KIAA1217: variants seen among roughly 807,000 people sequenced by gnomAD.
The protein encoded by KIAA1217 is sickle tail protein homolog.
KIAA1217 carries 88 observed loss-of-function variants against 163.9 expected under a neutral mutation model. The ratio of observed to expected loss-of-function variants is 0.54; its 90% CI spans 0.45 to 0.64. KIAA1217 has a LOEUF of 0.64. KIAA1217 is among the 30% of genes least tolerant of loss of function. The pLI is 0.00. For missense variants in KIAA1217, 2,372 were observed against 2,475.0 expected (o/e 0.96, Z 0.88); for synonymous variants, 903 against 923.1 (o/e 0.98, Z 0.39).
In KIAA1217 at chr10:24,520,675, T is replaced by TAC. The variant is rs1554926979; in HGVS notation, c.2308+434_2308+435dup. ...AAATATATATATATATATATATATA[T>TAC]ACACACACACACAAAAAAAAATTAG... On this transcript the variant is annotated intron_variant, in intron 11 of 20. Transcript: ENST00000376454. 1.9e-4 allele frequency among the ~76,000 whole-genome samples: 15 copies of TAC among 77,494 alleles called. No individual in the cohort carries two copies. The East Asian group carries it at 2.5e-3, about 13-fold the overall frequency. 50.8% of individuals were successfully genotyped at this position (77,494 alleles called of 152,430 possible).
intron 1 of KIAA1217, among the ~76,000 whole-genome samples, chr10:23,710,836 T>A (rs922090176): frequency 1.3e-5 from 2 of 152,168 alleles, no homozygotes; most frequent in Non-Finnish European, 2.9e-5. Flanking sequence ...ATGGGTACAA[T>A]GAGTATAGGG....
At chr10:24,267,578 G>T (rs1462021540) in intron 2 of KIAA1217, among the ~76,000 whole-genome samples, 1 of 152,174 alleles carries the variant, frequency 6.6e-6, no homozygotes, top group Non-Finnish European at 1.5e-5. Flanking sequence ...CTCCCAAAGA[G>T]CTGGGATTAC....
At chr10:23,810,829 CTATATATTATATGGTA>C (rs1445414733) in intron 1 of KIAA1217, among the ~76,000 whole-genome samples, 2 of 122,068 alleles carry the variant, frequency 1.6e-5, no homozygotes, top group East Asian at 4.6e-4. Flanking sequence ...ATTATATATA[CTATATATTATATGGTA>C]TATATATTAT....
intron 2 of KIAA1217, among the ~76,000 whole-genome samples, chr10:24,268,254 A>G (rs1442446687): frequency 1.3e-5 from 2 of 152,210 alleles, no homozygotes; most frequent in African/African-American, 4.8e-5. Context: ...ACAACCTGTT[A>G]TATTTGAAAT....
intron 2 of KIAA1217, chr10:24,157,761 G>A (rs958476097): frequency 8.7e-6 from 3 of 343,696 alleles, no homozygotes; most frequent in African/African-American, 6.4e-5. Context: ...TATACCAAGT[G>A]TTGGTGATGA....
At chr10:24,098,330 TAAAG>T (rs1292613249) in intron 2 of KIAA1217, among the ~76,000 whole-genome samples, 1 of 151,866 alleles carries the variant, frequency 6.6e-6, no homozygotes, top group Non-Finnish European at 1.5e-5. Flanking sequence ...AGAGGAAAAA[TAAAG>T]AGTGGCTTTA....
In KIAA1217 at chr10:24,467,814, ATGTGTGTG is replaced by A. The variant is rs10672795; in HGVS notation, c.847-5396_847-5389del. Among the ~76,000 whole-genome samples the A allele has an allele frequency of 3.7e-3, 551 of 148,470 alleles. 1 individual carries two copies. Among genetic ancestry groups the A allele is most frequent in the Non-Finnish European group, 5.0e-3 (334 of 66,780 alleles). ...TGTGTGTATGTGTATGTGTGTGTGTATGTGTGTGTGTGTGTGTGTGTGTGTTGCTTATT... is the reference window on the plus strand; with the variant it reads ...TGTGTGTATGTGTATGTGTGTGTGTATGTGTGTGTGTGTGTGTTGCTTATT... On this transcript the variant is annotated intron_variant, in intron 5 of 20. Coordinates refer to ENST00000376454, the MANE Select transcript of KIAA1217 (RefSeq NM_019590.5).
At chr10:24,341,144 A>G (rs150048470) in intron 2 of KIAA1217, among the ~76,000 whole-genome samples, 72 of 152,322 alleles carry the variant, frequency 4.7e-4, no homozygotes, top group African/African-American at 1.6e-3. Context: ...CACAGTGCAA[A>G]AGGAAAACCA....
At chr10:23,912,428 A>G (rs1842473256) in intron 1 of KIAA1217, among the ~76,000 whole-genome samples, 1 of 151,620 alleles carries the variant, frequency 6.6e-6, no homozygotes, top group Non-Finnish European at 1.5e-5. Context: ...TGGTGTACCC[A>G]TCATCTAAAT....
At chr10:24,112,978 A>G (rs2062913974) in intron 2 of KIAA1217, among the ~76,000 whole-genome samples, 1 of 152,126 alleles carries the variant, frequency 6.6e-6, no homozygotes, top group Non-Finnish European at 1.5e-5. Flanking sequence ...GTGAGAAACC[A>G]AGGCCTGCTG....
At chr10:23,760,317 A>T (rs894385064) in intron 1 of KIAA1217, among the ~76,000 whole-genome samples, 18 of 152,328 alleles carry the variant, frequency 1.2e-4, no homozygotes, top group African/African-American at 4.3e-4. Flanking sequence ...CATGCAGCAG[A>T]TAGAAGTTCC....
chr10:23,821,602 C>A (rs1019313003), intron 1 of KIAA1217, among the ~76,000 whole-genome samples: 4 of 152,210 alleles, frequency 2.6e-5, no homozygotes, highest in African/African-American at 7.2e-5. Flanking sequence ...TTCTTGGATT[C>A]CTTTCCTCAT....
intron 1 of KIAA1217, among the ~76,000 whole-genome samples, chr10:24,217,744 A>G (rs1312374134): frequency 1.3e-5 from 2 of 152,238 alleles, no homozygotes; most frequent in Non-Finnish European, 2.9e-5. Flanking sequence ...CTGGGATTCA[A>G]CTGAGCAGAA....
chr10:24,432,872 G>GT lies in KIAA1217; in HGVS notation c.554-121dup, dbSNP rs1180401214. 3 of 689,206 alleles carry GT rather than the reference G, an allele frequency of 4.4e-6. No individual in the cohort carries two copies. In the Admixed American group the frequency reaches 8.1e-5, roughly 19 times the overall value. 42.7% of individuals were successfully genotyped at this position (689,206 alleles called of 1,614,324 possible). A position where few individuals can be genotyped will look rare whatever the true frequency, so the allele number is the denominator to read the frequency against. On this transcript the variant is annotated intron_variant, in intron 3 of 20. Coordinates refer to ENST00000376454, the MANE Select transcript of KIAA1217 (RefSeq NM_019590.5). ...TGGAAATTCCAAACCTAGATCTCTT[G>GT]TTACATGCTTGCCAAGCTTGTCCTG...
chr10:24,091,206 C>T (rs975555415), intron 2 of KIAA1217, among the ~76,000 whole-genome samples: 7 of 151,820 alleles, frequency 4.6e-5, no homozygotes, highest in Non-Finnish European at 8.8e-5. Context: ...CATAACAAAA[C>T]GAGGTTTTAC....
intron 2 of KIAA1217, among the ~76,000 whole-genome samples, chr10:24,331,468 T>C (rs994305291): frequency 6.6e-6 from 1 of 152,210 alleles, no homozygotes; most frequent in Non-Finnish European, 1.5e-5. Context: ...AGAGATTAAA[T>C]AGACGAAGTC....
chr10:24,031,986 T>C (rs1848207473), intron 2 of KIAA1217, among the ~76,000 whole-genome samples: 2 of 152,204 alleles, frequency 1.3e-5, no homozygotes, highest in African/African-American at 4.8e-5. Flanking sequence ...ACAAAGGATT[T>C]CTATAGGTAG....
At chr10:23,727,811 C>CGATG (rs1838257664) in intron 1 of KIAA1217, among the ~76,000 whole-genome samples, 1 of 152,066 alleles carries the variant, frequency 6.6e-6, no homozygotes, top group African/African-American at 2.4e-5. Flanking sequence ...CCCCACCTCC[C>CGATG]GATGGGCCCT....
intron 2 of KIAA1217, among the ~76,000 whole-genome samples, chr10:24,300,608 C>T (rs1387374496): frequency 6.6e-6 from 1 of 152,168 alleles, no homozygotes; most frequent in Non-Finnish European, 1.5e-5. Flanking sequence ...CATTGTATCA[C>T]CCAAGCTGGA....
Sources: allele counts gnomAD v4.1 joint callset (sites outside exome capture counted in the v4.1 genomes callset), GRCh38; gene constraint gnomAD v4.1.1; transcripts MANE v1.5; gene names NCBI Gene and HGNC (gene_info 2026-07-23, HGNC 2026-07-21).